The following MINDY2 variants were observed in gnomAD, a reference collection of about 807,000 sequenced individuals.
MINDY2 encodes the protein ubiquitin carboxyl-terminal hydrolase MINDY-2.
In MINDY2, 52 loss-of-function variants were observed where a neutral mutation model predicts 68.2. The observed-to-expected ratio is 0.76, with a 90% CI of 0.61 to 0.96. MINDY2 has a LOEUF of 0.96. Ranked by LOEUF, MINDY2 falls within the 40% of genes least tolerant of loss-of-function variation. MINDY2 has a pLI of 0.00. For missense variants in MINDY2, 881 were observed against 773.4 expected, an observed-to-expected ratio of 1.14 and a Z score of -1.65; for synonymous variants, 372 against 303.0, an observed-to-expected ratio of 1.23 and a Z score of -2.36.
intron 4 of MINDY2, among the ~76,000 whole-genome samples, chr15:58,816,870 T>C (rs2030721853): frequency 6.6e-6 from 1 of 152,108 alleles, no homozygotes; most frequent in Non-Finnish European, 1.5e-5. Flanking sequence ...GGAGAATCAC[T>C]TAAGGCCAGG....
At chr15:58,849,216 A>T (rs564230333) in intron 7 of MINDY2, among the ~76,000 whole-genome samples, 2 of 145,728 alleles carry the variant, frequency 1.4e-5, no homozygotes, top group South Asian at 4.3e-4. Context: ...TCTCAAAAAA[A>T]AAAAGGCTGG....
intron 2 of MINDY2, 149 bp downstream of exon 2, chr15:58,788,112 T>C (rs1465424528): frequency 3.8e-6 from 2 of 525,208 alleles, no homozygotes; most frequent in Non-Finnish European, 6.7e-6. Context: ...TTTTTATCAG[T>C]ATGTTACTGT....
At chr15:58,789,704 A>G (rs1901758200) in intron 2 of MINDY2, among the ~76,000 whole-genome samples, 1 of 151,710 alleles carries the variant, frequency 6.6e-6, no homozygotes, top group Middle Eastern at 3.2e-3. Context: ...CTGGAGTGCA[A>G]TGGCGTGATC....
At chr15:58,834,454 A>G (rs1378479205) in intron 6 of MINDY2, among the ~76,000 whole-genome samples, 1 of 152,214 alleles carries the variant, frequency 6.6e-6, no homozygotes, top group African/African-American at 2.4e-5. Context: ...ATTGTATGCT[A>G]AAACTGTATG....
intron 5 of MINDY2, among the ~76,000 whole-genome samples, chr15:58,825,676 G>A (rs1326999171): frequency 1.3e-5 from 2 of 152,092 alleles, no homozygotes; most frequent in African/African-American, 4.8e-5. Context: ...TACAATTTTG[G>A]CTCACTGCAA....
At chr15:58,822,657 CAA>C in intron 5 of MINDY2, among the ~76,000 whole-genome samples, 1 of 152,118 alleles carries the variant, frequency 6.6e-6, no homozygotes, top group East Asian at 1.9e-4. Flanking sequence ...TTCATCGTCA[CAA>C]AATCAGTTTA....
intron 2 of MINDY2, among the ~76,000 whole-genome samples, chr15:58,791,216 T>TATATATATATATATATATATAC (rs1901876558): frequency 2.2e-3 from 9 of 4,120 alleles, no homozygotes; most frequent in Admixed American, 4.4e-3. Flanking sequence ...AAAGCAATTT[T>TATATATATATATATATATATAC]ATATATATAT....
chr15:58,831,037 G>GTA (rs549317915), intron 5 of MINDY2, among the ~76,000 whole-genome samples: 9,403 of 109,842 alleles, frequency 0.086, 511 homozygotes, highest in East Asian at 0.37. Context: ...GTGTGTGTGT[G>GTA]TGTGTATATA....
At chr15:58,792,333 C>T (rs1805488785) in intron 2 of MINDY2, among the ~76,000 whole-genome samples, 1 of 152,216 alleles carries the variant, frequency 6.6e-6, no homozygotes, top group African/African-American at 2.4e-5. Flanking sequence ...TCAGGCCACA[C>T]GCGGTGGCTT....
rs1436433846 is a variant in MINDY2 at position 58,861,492 on chromosome 15, G to A, written c.*6882G>A. ...TAATAACAACCCTAGAGATTCATAG[G>A]AAAGAGCATTGAAATACATTTTTTG... On this transcript the variant is annotated 3_prime_UTR_variant, in exon 9 of 9. Coordinates refer to ENST00000559228, the MANE Select transcript of MINDY2 (RefSeq NM_001040450.3). 6.6e-6 allele frequency: 1 copy of A among 152,112 alleles called. No homozygotes were observed. Among genetic ancestry groups the A allele is most frequent in the East Asian group, 1.9e-4 (1 of 5,196 alleles). 9.4% of individuals were successfully genotyped at this position (152,112 alleles called of 1,614,324 possible).
At chr15:58,773,743 G>C (rs1339282367) in intron 1 of MINDY2, among the ~76,000 whole-genome samples, 1 of 151,836 alleles carries the variant, frequency 6.6e-6, no homozygotes, top group Non-Finnish European at 1.5e-5. Context: ...CAATTTAACA[G>C]ATCTTTTAAG....
intron 6 of MINDY2, among the ~76,000 whole-genome samples, chr15:58,833,789 G>A (rs112925355): frequency 0.021 from 3,129 of 151,910 alleles, 42 homozygotes; most frequent in Middle Eastern, 0.044. Flanking sequence ...ATTGCTCAGG[G>A]ACAAGCAGGA....
intron 4 of MINDY2, among the ~76,000 whole-genome samples, chr15:58,819,847 G>A (rs1255522348): frequency 6.6e-6 from 1 of 152,194 alleles, no homozygotes; most frequent in African/African-American, 2.4e-5. Flanking sequence ...GGAACTCATA[G>A]ATGTTTTTTT....
At chr15:58,795,050 C>T (rs1190441844) in intron 2 of MINDY2, among the ~76,000 whole-genome samples, 1 of 151,968 alleles carries the variant, frequency 6.6e-6, no homozygotes, top group Non-Finnish European at 1.5e-5. Context: ...GTGGCGGGCG[C>T]CTGTAGTCCC....
At chr15:58,809,538 A>G (rs185898740) in intron 3 of MINDY2, among the ~76,000 whole-genome samples, 26 of 152,298 alleles carry the variant, frequency 1.7e-4, no homozygotes, top group African/African-American at 5.8e-4. Flanking sequence ...GTGTACAACT[A>G]TCTCTTCAAG....
At chr15:58,809,791 G>A (rs182676700) in intron 3 of MINDY2, among the ~76,000 whole-genome samples, 2 of 152,190 alleles carry the variant, frequency 1.3e-5, no homozygotes, top group Admixed American at 6.5e-5. Context: ...GTTTTGTTTC[G>A]TTTTTTGAGA....
chr15:58,847,596 T>G, intron 7 of MINDY2, 126 bp downstream of exon 7: 1 of 706,278 alleles, frequency 1.4e-6, no homozygotes, highest in Non-Finnish European at 2.2e-6. Context: ...TTCCTGACAC[T>G]TCCTGAATAG....
chr15:58,846,247 C>G (rs560738121), intron 6 of MINDY2, among the ~76,000 whole-genome samples: 2 of 152,090 alleles, frequency 1.3e-5, no homozygotes, highest in African/African-American at 4.8e-5. Context: ...GTTTGAGAGG[C>G]TGGATACCAC....
chr15:58,798,805 T>C (rs1461977117), intron 2 of MINDY2, among the ~76,000 whole-genome samples: 1 of 152,082 alleles, frequency 6.6e-6, no homozygotes, highest in Non-Finnish European at 1.5e-5. Flanking sequence ...TATTTGGAGG[T>C]GTCAACATGT....
Sources: allele counts gnomAD v4.1 joint callset (sites outside exome capture counted in the v4.1 genomes callset), GRCh38; gene constraint gnomAD v4.1.1; transcripts MANE v1.5; gene names NCBI Gene and HGNC (gene_info 2026-07-23, HGNC 2026-07-21).